The following GABPB1 variants were observed in gnomAD, a reference collection of about 807,000 sequenced individuals.
GABPB1 encodes GA binding protein transcription factor subunit beta 1.
Under a neutral mutation model 45.9 loss-of-function variants are expected in GABPB1, and 15 were observed. That is an observed-to-expected ratio of 0.33 (90% CI 0.22 to 0.50). The LOEUF (loss-of-function observed/expected upper bound fraction) is 0.50. GABPB1 is among the 20% of genes least tolerant of loss of function. The pLI, the probability that GABPB1 is intolerant of heterozygous loss-of-function variation, is 0.98. For missense variants in GABPB1, 252 were observed against 457.5 expected (o/e 0.55, Z 4.10); for synonymous variants, 143 against 154.4 (o/e 0.93, Z 0.55).
At chr15:50,335,090 C>T (rs1019196944) in intron 1 of GABPB1, among the ~76,000 whole-genome samples, 1 of 152,146 alleles carries the variant, frequency 6.6e-6, no homozygotes, top group Non-Finnish European at 1.5e-5. Flanking sequence ...GAGTCAGGAA[C>T]CAACCTAAAT....
chr15:50,300,602 C>G (rs367980153), intron 6 of GABPB1, among the ~76,000 whole-genome samples, 187 bp downstream of exon 6: 1 of 151,902 alleles, frequency 6.6e-6, no homozygotes, highest in Non-Finnish European at 1.5e-5. Flanking sequence ...TGCCACCACG[C>G]CTGGCTAATT....
At chr15:50,299,070 A>G (rs796460246) in intron 6 of GABPB1, among the ~76,000 whole-genome samples, 1 of 152,222 alleles carries the variant, frequency 6.6e-6, no homozygotes, top group South Asian at 2.1e-4. Flanking sequence ...CTTTCTGGTG[A>G]GGAATAAATG....
At chr15:50,305,126 G>T (rs1294078284) in intron 2 of GABPB1, among the ~76,000 whole-genome samples, 1 of 152,042 alleles carries the variant, frequency 6.6e-6, no homozygotes, top group Non-Finnish European at 1.5e-5. Context: ...GCATTTAAAG[G>T]CACAGAAAAT....
intron 6 of GABPB1, among the ~76,000 whole-genome samples, chr15:50,300,183 T>C (rs570849709): frequency 6.6e-6 from 1 of 152,244 alleles, no homozygotes; most frequent in East Asian, 1.9e-4. Flanking sequence ...TTTTTTTCTG[T>C]GAGCCACACA....
intron 6 of GABPB1, among the ~76,000 whole-genome samples, chr15:50,294,110 G>T (rs2046434129): frequency 6.6e-6 from 1 of 152,128 alleles, no homozygotes. Context: ...GAGATCTCTT[G>T]TTCAATAAGA....
At chr15:50,305,790 G>GT (rs1555509776) in intron 2 of GABPB1, among the ~76,000 whole-genome samples, 1 of 151,624 alleles carries the variant, frequency 6.6e-6, no homozygotes, top group South Asian at 2.1e-4. Flanking sequence ...AGGGTTTTTT[G>GT]TTTTTTTCTG....
intron 2 of GABPB1, 43 bp downstream of exon 2, chr15:50,309,648 A>G (rs1567509259): frequency 8.1e-7 from 1 of 1,233,732 alleles, no homozygotes; most frequent in Non-Finnish European, 1.2e-6. Flanking sequence ...AAACTCAAAA[A>G]TGAGAAGGAA....
At chr15:50,303,343 G>A (rs2046824294) in intron 3 of GABPB1, among the ~76,000 whole-genome samples, 1 of 151,996 alleles carries the variant, frequency 6.6e-6, no homozygotes, top group African/African-American at 2.4e-5. Flanking sequence ...GAGCTCAGGG[G>A]TTTGAAACTA....
At chr15:50,306,271 T>C (rs1175767948) in intron 2 of GABPB1, among the ~76,000 whole-genome samples, 1 of 151,846 alleles carries the variant, frequency 6.6e-6, no homozygotes, top group Non-Finnish European at 1.5e-5. Flanking sequence ...GCTCAGCCAA[T>C]ATATGTAGTT....
At chr15:50,307,239 T>G (rs545849071) in intron 2 of GABPB1, among the ~76,000 whole-genome samples, 2 of 152,320 alleles carry the variant, frequency 1.3e-5, no homozygotes, top group South Asian at 4.2e-4. Flanking sequence ...GCTCAACTGT[T>G]TTTGCTAATC....
At chr15:50,294,536 A>G (rs1164946605) in intron 6 of GABPB1, among the ~76,000 whole-genome samples, 1 of 152,140 alleles carries the variant, frequency 6.6e-6, no homozygotes, top group Non-Finnish European at 1.5e-5. Flanking sequence ...TAAATAAAAT[A>G]AAATGGAAAC....
At chr15:50,328,043 C>T (rs2047829394) in intron 1 of GABPB1, among the ~76,000 whole-genome samples, 1 of 151,236 alleles carries the variant, frequency 6.6e-6, no homozygotes, top group Non-Finnish European at 1.5e-5. Flanking sequence ...AAAGAAATTC[C>T]AAATAACCTA....
intron 1 of GABPB1, among the ~76,000 whole-genome samples, chr15:50,333,754 C>A (rs1018825358): frequency 6.6e-6 from 1 of 152,116 alleles, no homozygotes; most frequent in South Asian, 2.1e-4. Context: ...TCTAGCCAGG[C>A]GTGGTGGCTC....
chr15:50,328,405 T>A (rs1032056545), intron 1 of GABPB1, among the ~76,000 whole-genome samples: 5 of 152,318 alleles, frequency 3.3e-5, no homozygotes, highest in African/African-American at 1.2e-4. Flanking sequence ...CATCTGTACC[T>A]CATACTGAGT....
Position 50,278,977 on chromosome 15 carries a change from T to C in GABPB1, c.1000-193A>G, listed in dbSNP as rs1377863594. The stretch of plus-strand genomic sequence containing the variant: ...GTCCCTAATTTTGTGCTCCACATTA[T>C]GAGATATGGATTAATTTCTGACTGC... On this transcript the variant is annotated intron_variant, in intron 8 of 8. Transcript: ENST00000380877. Among the ~76,000 whole-genome samples the C allele has an allele frequency of 5.3e-5, 8 of 152,138 alleles. No homozygotes were observed. In the East Asian group the frequency reaches 1.5e-3, roughly 29 times the overall value.
chr15:50,329,683 T>C (rs2035526027), intron 1 of GABPB1, among the ~76,000 whole-genome samples: 1 of 152,206 alleles, frequency 6.6e-6, no homozygotes, highest in South Asian at 2.1e-4. Flanking sequence ...AAAAATTTAC[T>C]ATAATTTTTG....
intron 2 of GABPB1, among the ~76,000 whole-genome samples, chr15:50,308,985 G>A (rs761299126): frequency 3.9e-5 from 6 of 151,988 alleles, no homozygotes; most frequent in South Asian, 2.1e-4. Flanking sequence ...CAGGGATATC[G>A]TTGATATATA....
At chr15:50,313,220 A>AC (rs1461625661) in intron 1 of GABPB1, among the ~76,000 whole-genome samples, 1 of 152,186 alleles carries the variant, frequency 6.6e-6, no homozygotes, top group East Asian at 1.9e-4. Flanking sequence ...AAAAGACAGG[A>AC]CCATATGTTT....
chr15:50,291,589 G>C (rs2046344152), intron 6 of GABPB1, among the ~76,000 whole-genome samples: 1 of 149,798 alleles, frequency 6.7e-6, no homozygotes, highest in South Asian at 2.2e-4. Context: ...GCCTCCCAAA[G>C]TGCTAGGATT....
Sources: gnomAD v4.1 joint callset for allele counts (sites outside exome capture counted in the v4.1 genomes callset) on GRCh38, gnomAD v4.1.1 for gene constraint, MANE v1.5 for transcripts, NCBI Gene and HGNC (gene_info 2026-07-23, HGNC 2026-07-21) for gene names.